GPC6: variants seen among roughly 807,000 people sequenced by gnomAD.
GPC6 encodes glypican-6.
A neutral mutation model predicts 55.2 loss-of-function variants in GPC6; 14 were observed. The ratio of observed to expected loss-of-function variants is 0.25; its 90% CI spans 0.17 to 0.40. The LOEUF (loss-of-function observed/expected upper bound fraction) is 0.40, where lower values mean the gene tolerates loss of function less well. GPC6 is among the 10% of genes least tolerant of loss of function. The probability of loss-of-function intolerance (pLI) is 1.00; values close to 1 mark genes in which losing one functional copy is unlikely to be tolerated. For synonymous variants in GPC6, 278 were observed against 259.6 expected (o/e 1.07, Z -0.68); for missense variants, 641 against 708.5 (o/e 0.90, Z 1.08).
intron 2 of GPC6, among the ~76,000 whole-genome samples, chr13:93,673,915 C>T (rs1277536833): frequency 6.6e-6 from 1 of 152,052 alleles, no homozygotes; most frequent in Admixed American, 6.6e-5. Context: ...GAATCCAAAA[C>T]CATGTTTTAT....
rs1397925943 is a variant in GPC6, at chr13:94,054,084, T to A, written c.877+26190T>A. 2.6e-5 allele frequency among the ~76,000 whole-genome samples: 4 copies of A among 152,308 alleles called. No homozygotes were observed. In the East Asian group the frequency reaches 5.8e-4, roughly 22 times the overall value. On this transcript the variant is annotated intron_variant, in intron 4 of 8. Transcript: ENST00000377047. ...AGTCACCTTTCTTAGTTTCTTCTAA[T>A]GCTTTGTTCACCAGATGGCATTCTG... is the stretch of plus-strand genomic sequence containing the variant.
At chr13:94,317,336 T>A (rs1188927203) in intron 6 of GPC6, among the ~76,000 whole-genome samples, 1 of 152,216 alleles carries the variant, frequency 6.6e-6, no homozygotes, top group Non-Finnish European at 1.5e-5. Context: ...AAAACACTCA[T>A]CTCTGTACTT....
chr13:94,339,870 T>C (rs949188043), intron 6 of GPC6, among the ~76,000 whole-genome samples: 1 of 148,676 alleles, frequency 6.7e-6, no homozygotes, highest in South Asian at 2.2e-4. Context: ...TTCAAGCAAT[T>C]CTCCTGCTTC....
At chr13:94,193,049 C>T (rs568729251) in intron 4 of GPC6, among the ~76,000 whole-genome samples, 25 of 146,196 alleles carry the variant, frequency 1.7e-4, no homozygotes, top group East Asian at 4.0e-4. Context: ...ACACTTGAAA[C>T]GGTGAGACTC....
chr13:94,229,622 G>A lies in GPC6; in HGVS notation c.878-56727G>A, dbSNP rs187835645. Among the ~76,000 whole-genome samples, 605 of 152,272 alleles carry A rather than the reference G, an allele frequency of 4.0e-3. 4 individuals carry two copies. The highest frequency in any genetic ancestry group is 0.014 in the African/African-American group (575 of 41,566). On this transcript the variant is annotated intron_variant, in intron 4 of 8. Transcript: ENST00000377047. ...TAGGGTAGACTGCTGCATGAAAAAC[G>A]TTTGCAGTTGGGTGATCTCCCCCTG... is the stretch of plus-strand genomic sequence containing the variant.
chr13:93,910,709 G>A (rs562220836), intron 3 of GPC6, among the ~76,000 whole-genome samples: 38 of 152,282 alleles, frequency 2.5e-4, no homozygotes, highest in African/African-American at 8.9e-4. Flanking sequence ...CATCAGGAAA[G>A]GGAGGGATTC....
chr13:94,161,044 C>A (rs1888146899), intron 4 of GPC6, among the ~76,000 whole-genome samples: 1 of 152,096 alleles, frequency 6.6e-6, no homozygotes, highest in Non-Finnish European at 1.5e-5. Context: ...GAAAATTATG[C>A]CCTTTGGGTT....
At chr13:93,787,251 CAG>C (rs1213100635) in intron 2 of GPC6, among the ~76,000 whole-genome samples, 1 of 152,194 alleles carries the variant, frequency 6.6e-6, no homozygotes, top group Admixed American at 6.5e-5. Flanking sequence ...TTCCGTATGA[CAG>C]GGGTTGGCAA....
At chr13:94,288,749 AAT>A (rs1180763901) in intron 5 of GPC6, among the ~76,000 whole-genome samples, 1 of 91,702 alleles carries the variant, frequency 1.1e-5, no homozygotes, top group African/African-American at 4.2e-5. Context: ...ATATATATAT[AAT>A]ATATATAATA....
At chr13:93,820,905 G>T (rs562161984) in intron 2 of GPC6, among the ~76,000 whole-genome samples, 38 of 152,218 alleles carry the variant, frequency 2.5e-4, no homozygotes, top group Admixed American at 9.8e-4. Flanking sequence ...TGAGTGCATT[G>T]TGGAGTTTTC....
At chr13:94,109,508 G>A (rs1886166792) in intron 4 of GPC6, among the ~76,000 whole-genome samples, 1 of 151,482 alleles carries the variant, frequency 6.6e-6, no homozygotes, top group African/African-American at 2.4e-5. Context: ...TTATCCTAAA[G>A]TATGGCATGA....
intron 3 of GPC6, among the ~76,000 whole-genome samples, chr13:93,879,580 C>T (rs1406348145): frequency 1.3e-5 from 2 of 151,380 alleles, no homozygotes; most frequent in African/African-American, 4.8e-5. Context: ...GGATTAAAGA[C>T]TTAAACGTTA....
At chr13:93,534,946 A>G (rs978868994) in intron 1 of GPC6, among the ~76,000 whole-genome samples, 1 of 152,164 alleles carries the variant, frequency 6.6e-6, no homozygotes, top group African/African-American at 2.4e-5. Flanking sequence ...CAACCTGTGT[A>G]ATCGTGGTTA....
Position 93,974,675 on chromosome 13 carries a change from T to C in GPC6, c.712-53054T>C, listed in dbSNP as rs1393909014. On this transcript the variant is annotated intron_variant, in intron 3 of 8. Coordinates refer to ENST00000377047, the MANE Select transcript of GPC6 (RefSeq NM_005708.5). ...TCTTTCTTGAATAGAGGTATATTTTTACTCAGTAATACATAACTTTCTTAA... is the reference window on the plus strand; with the variant it reads ...TCTTTCTTGAATAGAGGTATATTTTCACTCAGTAATACATAACTTTCTTAA... 2.0e-5 allele frequency among the ~76,000 whole-genome samples: 3 copies of C among 152,312 alleles called. No homozygotes were observed. The East Asian group carries it at 5.8e-4, about 29-fold the overall frequency.
chr13:93,424,072 T>C (rs763839486), intron 1 of GPC6, among the ~76,000 whole-genome samples: 37 of 152,296 alleles, frequency 2.4e-4, no homozygotes, highest in Admixed American at 3.9e-4. Context: ...AGGGTTTCAG[T>C]GTGCCCCATG....
chr13:93,457,869 C>G (rs139889738), intron 1 of GPC6, among the ~76,000 whole-genome samples: 4 of 152,246 alleles, frequency 2.6e-5, no homozygotes, highest in African/African-American at 9.6e-5. Context: ...ATTTCGAAGT[C>G]TTGACAAGAT....
In GPC6 at chr13:93,598,959, C is replaced by T. The variant is rs181264210; in HGVS notation, c.319+53538C>T. Among the ~76,000 whole-genome samples, 11 of 152,250 alleles carry T rather than the reference C, an allele frequency of 7.2e-5. No homozygotes were observed. The East Asian group carries it at 2.1e-3, about 29-fold the overall frequency. Reference sequence around the variant, plus strand: ...TTCTGAAGTCACCATAATTTTTGGTCACCACTGTGTCTGAGACACCTCAAT... The same window carrying T: ...TTCTGAAGTCACCATAATTTTTGGTTACCACTGTGTCTGAGACACCTCAAT... On this transcript the variant is annotated intron_variant, in intron 2 of 8. Transcript: ENST00000377047.
At chr13:94,037,791 A>T (rs1883391484) in intron 4 of GPC6, among the ~76,000 whole-genome samples, 1 of 151,890 alleles carries the variant, frequency 6.6e-6, no homozygotes, top group Admixed American at 6.6e-5. Context: ...AAGGATTGAT[A>T]AGCTATATTG....
intron 1 of GPC6, among the ~76,000 whole-genome samples, chr13:93,271,024 C>G (rs1450425328): frequency 6.6e-6 from 1 of 152,142 alleles, no homozygotes; most frequent in Non-Finnish European, 1.5e-5. Flanking sequence ...CTGCTGTGTT[C>G]CTTCTGGGCA....
Sources: allele counts gnomAD v4.1 joint callset (sites outside exome capture counted in the v4.1 genomes callset), GRCh38; gene constraint gnomAD v4.1.1; transcripts MANE v1.5; gene names NCBI Gene and HGNC (gene_info 2026-07-23, HGNC 2026-07-21).